CSNK1G3: variants seen among roughly 807,000 people sequenced by gnomAD.
The protein encoded by CSNK1G3 is casein kinase 1 gamma 3.
In CSNK1G3, 23 loss-of-function variants were observed where a neutral mutation model predicts 64.3. The ratio of observed to expected loss-of-function variants is 0.36; its 90% CI spans 0.26 to 0.51. CSNK1G3 has a LOEUF of 0.51. Ranked by LOEUF, CSNK1G3 falls within the 20% of genes least tolerant of loss-of-function variation. The pLI is 0.96. For missense variants in CSNK1G3, 357 were observed against 510.5 expected (o/e 0.70, Z 2.90); for synonymous variants, 158 against 162.2 (o/e 0.97, Z 0.20).
chr5:123,546,573 C>T (rs1335634635), intron 2 of CSNK1G3, among the ~76,000 whole-genome samples: 1 of 151,832 alleles, frequency 6.6e-6, no homozygotes, highest in Non-Finnish European at 1.5e-5. Flanking sequence ...TTGCAAAAAA[C>T]TAAGAAGGAG....
chr5:123,528,242 C>G (rs1408010397), intron 1 of CSNK1G3, among the ~76,000 whole-genome samples: 1 of 152,024 alleles, frequency 6.6e-6, no homozygotes, highest in African/African-American at 2.4e-5. Flanking sequence ...TGTAAATGAC[C>G]TTTGATTTGT....
chr5:123,562,852 A>AGTGAGAAGGGTGGG (rs1786046165), intron 4 of CSNK1G3, among the ~76,000 whole-genome samples: 1 of 152,060 alleles, frequency 6.6e-6, no homozygotes, highest in Non-Finnish European at 1.5e-5. Context: ...AAAATTAGTC[A>AGTGAGAAGGGTGGG]CTTTCTTGAG....
intron 1 of CSNK1G3, among the ~76,000 whole-genome samples, chr5:123,523,826 T>C (rs1350341109): frequency 6.6e-6 from 1 of 152,242 alleles, no homozygotes; most frequent in African/African-American, 2.4e-5. Context: ...TGTTCTGAAC[T>C]GTTCTCTTTA....
intron 1 of CSNK1G3, among the ~76,000 whole-genome samples, chr5:123,544,471 T>C (rs1026041900): frequency 6.6e-6 from 1 of 152,220 alleles, no homozygotes; most frequent in African/African-American, 2.4e-5. Context: ...AGAAAATTTT[T>C]GTAATAGGAA....
At chr5:123,605,251 A>C (rs1248383414) in intron 11 of CSNK1G3, 88 bp from the exon 13 acceptor site, 1 of 1,217,492 alleles carries the variant, frequency 8.2e-7, no homozygotes, top group Non-Finnish European at 1.2e-6. Context: ...AAGCATGAAA[A>C]ACAATGTGAT....
chr5:123,609,458 G>C (rs1029615987), intron 12 of CSNK1G3, among the ~76,000 whole-genome samples: 2 of 152,120 alleles, frequency 1.3e-5, no homozygotes, highest in African/African-American at 2.4e-5. Flanking sequence ...TATAGTATTG[G>C]ACCATTTGTT....
At chr5:123,598,075 G>A (rs1264362367) in intron 10 of CSNK1G3, among the ~76,000 whole-genome samples, 1 of 152,090 alleles carries the variant, frequency 6.6e-6, no homozygotes, top group Admixed American at 6.6e-5. Context: ...TAGCTAAAAA[G>A]ATACAGCTGT....
At chr5:123,575,685 C>A in intron 5 of CSNK1G3, 44 bp from the exon 6 acceptor site, 1 of 1,284,788 alleles carries the variant, frequency 7.8e-7, no homozygotes, top group Non-Finnish European at 1.1e-6. Flanking sequence ...TTAGGCTAGT[C>A]AAAGCCCAAA....
chr5:123,596,233 G>A (rs946606042), intron 10 of CSNK1G3, among the ~76,000 whole-genome samples: 20 of 152,036 alleles, frequency 1.3e-4, no homozygotes, highest in African/African-American at 4.6e-4. Flanking sequence ...TCAGTAATGT[G>A]TGGTAGACTT....
intron 6 of CSNK1G3, among the ~76,000 whole-genome samples, chr5:123,583,664 C>G (rs1790781504): frequency 6.6e-6 from 1 of 151,652 alleles, no homozygotes; most frequent in South Asian, 2.1e-4. Flanking sequence ...GCGCCCGGCC[C>G]AGAAATCCAG....
At chr5:123,517,781 A>C (rs920722908) in intron 1 of CSNK1G3, among the ~76,000 whole-genome samples, 3 of 152,152 alleles carry the variant, frequency 2.0e-5, no homozygotes, top group African/African-American at 7.2e-5. Context: ...AAATGTATAG[A>C]GTTTGTAGAT....
chr5:123,517,931 GAAA>G (rs529062252), intron 1 of CSNK1G3, among the ~76,000 whole-genome samples: 2 of 106,486 alleles, frequency 1.9e-5, no homozygotes, highest in African/African-American at 3.3e-5. Flanking sequence ...TCCTCTTTAA[GAAA>G]AAAAAAAAAA....
At chr5:123,552,558 G>A (rs935844272) in intron 2 of CSNK1G3, among the ~76,000 whole-genome samples, 2 of 152,068 alleles carry the variant, frequency 1.3e-5, no homozygotes, top group African/African-American at 4.8e-5. Context: ...GTAAGGTGAG[G>A]CACCAGTAAC....
intron 6 of CSNK1G3, among the ~76,000 whole-genome samples, chr5:123,577,083 G>A (rs1460982343): frequency 6.6e-6 from 1 of 151,950 alleles, no homozygotes; most frequent in African/African-American, 2.4e-5. Flanking sequence ...TTGGCCACCC[G>A]TTGCTCCTTC....
At chr5:123,546,164 A>C (rs1456357555) in intron 2 of CSNK1G3, among the ~76,000 whole-genome samples, 2 of 152,186 alleles carry the variant, frequency 1.3e-5, no homozygotes, top group Non-Finnish European at 2.9e-5. Flanking sequence ...TATTTAGGCC[A>C]CTTTTTCAGA....
intron 4 of CSNK1G3, among the ~76,000 whole-genome samples, chr5:123,560,123 G>A (rs1464672469): frequency 6.6e-6 from 1 of 152,038 alleles, no homozygotes; most frequent in Non-Finnish European, 1.5e-5. Flanking sequence ...ATAAAAAAAT[G>A]CTCAACACCA....
In CSNK1G3 at chr5:123,570,864, T is replaced by A. The variant is rs142383725; in HGVS notation, c.290-2529T>A. ...GGGGAAAAAGCATTATGGAAAGAATTTTCAAAGCTTAGTAGCTGAGAGCTG... is the reference window on the plus strand; with the variant it reads ...GGGGAAAAAGCATTATGGAAAGAATATTCAAAGCTTAGTAGCTGAGAGCTG... On this transcript the variant is annotated intron_variant, in intron 4 of 12. Coordinates refer to ENST00000345990, the Ensembl canonical transcript of CSNK1G3. 3.2e-3 allele frequency among the ~76,000 whole-genome samples: 484 copies of A among 152,240 alleles called. 8 individuals carry two copies. The highest frequency in any genetic ancestry group is 0.011 in the African/African-American group (466 of 41,546).
At chr5:123,530,378 T>G (rs1332822297) in intron 1 of CSNK1G3, among the ~76,000 whole-genome samples, 1 of 152,204 alleles carries the variant, frequency 6.6e-6, no homozygotes, top group Non-Finnish European at 1.5e-5. Context: ...TAATTGTAAC[T>G]GATTATAATA....
intron 1 of CSNK1G3, among the ~76,000 whole-genome samples, chr5:123,531,195 G>T (rs1235061049): frequency 1.3e-5 from 2 of 152,008 alleles, no homozygotes; most frequent in East Asian, 3.9e-4. Context: ...TCCATTTGTT[G>T]TAAATTTATA....
Sources: gnomAD v4.1 joint callset for allele counts (sites outside exome capture counted in the v4.1 genomes callset) on GRCh38, gnomAD v4.1.1 for gene constraint, MANE v1.5 for transcripts, NCBI Gene and HGNC (gene_info 2026-07-23, HGNC 2026-07-21) for gene names.